PRRX2: variants seen among roughly 807,000 people sequenced by gnomAD.
PRRX2 encodes the protein paired related homeobox 2, also known as paired mesoderm homeobox protein 2.
PRRX2 carries 11 observed loss-of-function variants against 18.0 expected under a neutral mutation model. The ratio of observed to expected loss-of-function variants is 0.61; its 90% confidence interval spans 0.39 to 1.01. The LOEUF (loss-of-function observed/expected upper bound fraction) is 1.01. Among genes scored for constraint, PRRX2 ranks in the 50% least tolerant of loss-of-function variants. The pLI is 0.01. For missense variants in PRRX2, 387 were observed against 351.0 expected (o/e 1.10, Z -0.82); for synonymous variants, 177 against 154.8 (o/e 1.14, Z -1.06).
chr9:129,721,384 G>A (rs1361304430), intron 3 of PRRX2, among the ~76,000 whole-genome samples: 1 of 151,992 alleles, frequency 6.6e-6, no homozygotes, highest in Non-Finnish European at 1.5e-5. Flanking sequence ...CTCGAGAGTC[G>A]GGCCACCATA....
At position 129,697,739 on chromosome 9, in the gene PRRX2, G is replaced by A. The variant is rs1832445457; in HGVS notation, c.260-21492G>A. 2.0e-5 allele frequency among the ~76,000 whole-genome samples: 3 copies of A among 152,212 alleles called. No individual in the cohort carries two copies. In the South Asian group the frequency reaches 6.2e-4, roughly 32 times the overall value. On this transcript the variant is annotated intron_variant, in intron 1 of 3. Coordinates refer to ENST00000372469, the MANE Select transcript of PRRX2 (RefSeq NM_016307.4). The stretch of plus-strand genomic sequence containing the variant: ...CGCCTCGCCCCTCGGCCCTGTCCCG[G>A]GGGAGGGAAAGATGGCTTCTCAGAA...
At chr9:129,707,261 A>G (rs1832568726) in intron 1 of PRRX2, among the ~76,000 whole-genome samples, 1 of 152,088 alleles carries the variant, frequency 6.6e-6, no homozygotes, top group South Asian at 2.1e-4. Context: ...TTCTGTCTCA[A>G]AAAATAAATA....
intron 1 of PRRX2, among the ~76,000 whole-genome samples, chr9:129,686,488 G>A (rs963900804): frequency 2.0e-5 from 3 of 152,198 alleles, no homozygotes. Flanking sequence ...CTGGCCACAG[G>A]TGCACGCTGC....
chr9:129,688,517 C>CA (rs1832321153), intron 1 of PRRX2, among the ~76,000 whole-genome samples: 3 of 152,228 alleles, frequency 2.0e-5, no homozygotes, highest in Admixed American at 2.0e-4. Context: ...ACCCCGCAAA[C>CA]ACGCAGTAGC....
intron 1 of PRRX2, among the ~76,000 whole-genome samples, chr9:129,716,874 A>G (rs553356617): frequency 3.3e-4 from 50 of 152,306 alleles, no homozygotes; most frequent in African/African-American, 1.2e-3. Context: ...TCCTGAAGGT[A>G]GGGGAGAGGG....
intron 1 of PRRX2, among the ~76,000 whole-genome samples, chr9:129,708,038 A>AG (rs1832578248): frequency 6.6e-6 from 1 of 152,008 alleles, no homozygotes; most frequent in Non-Finnish European, 1.5e-5. Context: ...TTATCAGGCC[A>AG]CCTGCCCTGG....
At chr9:129,687,204 A>G (rs1406724648) in intron 1 of PRRX2, among the ~76,000 whole-genome samples, 2 of 152,252 alleles carry the variant, frequency 1.3e-5, no homozygotes, top group Non-Finnish European at 2.9e-5. Context: ...CTTAGGCCAC[A>G]GAATGAGATC....
intron 1 of PRRX2, among the ~76,000 whole-genome samples, chr9:129,717,461 C>CT (rs1832723774): frequency 0.013 from 1 of 80 alleles, no homozygotes; most frequent in South Asian, 0.5. Context: ...CTTTGGGAGG[C>CT]GAGGCGGGCA....
At position 129,668,958 on chromosome 9, in the gene PRRX2, C is replaced by G. The variant is rs138242912; in HGVS notation, c.259+2832C>G. Among the ~76,000 whole-genome samples the G allele has an allele frequency of 7.4e-3, 1,119 of 151,514 alleles. 50 individuals carry two copies. The highest frequency in any genetic ancestry group is 0.061 in the Admixed American group (929 of 15,212). Reference sequence around the variant, plus strand: ...GGTCAGGAGTTCAAGACCAGCCTGGCCAAGATAGTGAAACTGCATCTCTAC... The same window carrying G: ...GGTCAGGAGTTCAAGACCAGCCTGGGCAAGATAGTGAAACTGCATCTCTAC... On this transcript the variant is annotated intron_variant, in intron 1 of 3. Coordinates refer to ENST00000372469, the MANE Select transcript of PRRX2 (RefSeq NM_016307.4).
Position 129,719,216 on chromosome 9 carries a change from C to CT in PRRX2, c.260-15_260-14insT. ...GGCCGTCCTGCTGACCATCCCGCCC[C>CT]CCCAACCTCCGCAGGTGAGTGTCCC... On this transcript the variant is annotated splice_polypyrimidine_tract_variant and intron_variant, in intron 1 of 3. Transcript: ENST00000372469. 6.4e-7 allele frequency: 1 copy of CT among 1,557,676 alleles called. No individual in the cohort carries two copies. Among genetic ancestry groups the CT allele is most frequent in the South Asian group, 1.2e-5 (1 of 83,266 alleles).
In PRRX2 at chr9:129,722,386, G is replaced by C; in HGVS notation, c.*34G>C. 1 of 1,609,722 alleles carries C rather than the reference G, an allele frequency of 6.2e-7. No homozygotes were observed. The highest frequency in any genetic ancestry group is 8.5e-7 in the Non-Finnish European group (1 of 1,178,044). On this transcript the variant is annotated 3_prime_UTR_variant, in exon 4 of 4. Transcript: ENST00000372469. ...CCCACCAGGACCCAGACGCCTCCCT[G>C]GGTGGACAGCAATAGAAAAGGGGGC...
At chr9:129,702,175 A>G (rs1364473763) in intron 1 of PRRX2, among the ~76,000 whole-genome samples, 6 of 152,034 alleles carry the variant, frequency 3.9e-5, no homozygotes, top group Admixed American at 3.9e-4. Context: ...AGGCGGGTGG[A>G]TCACGAGGTC....
chr9:129,710,530 G>A (rs1180484954), intron 1 of PRRX2, among the ~76,000 whole-genome samples: 1 of 152,140 alleles, frequency 6.6e-6, no homozygotes, highest in African/African-American at 2.4e-5. Context: ...TCAAGAGATC[G>A]AGACCATCCT....
intron 1 of PRRX2, among the ~76,000 whole-genome samples, chr9:129,718,917 CA>C (rs1194446388): frequency 6.6e-6 from 1 of 152,224 alleles, no homozygotes; most frequent in East Asian, 1.9e-4. Flanking sequence ...CACCTGTCCC[CA>C]GGGCTCTTGC....
At chr9:129,697,309 C>T (rs1832438525) in intron 1 of PRRX2, among the ~76,000 whole-genome samples, 1 of 151,966 alleles carries the variant, frequency 6.6e-6, no homozygotes, top group Non-Finnish European at 1.5e-5. Flanking sequence ...TGCAGGGGAG[C>T]GCTGCGTCCC....
rs963159401 is a variant in PRRX2 at position 129,665,769 on chromosome 9, C to T, written c.-99C>T. 10 of 881,266 alleles carry T rather than the reference C, an allele frequency of 1.1e-5. No individual in the cohort carries two copies. The highest frequency in any genetic ancestry group is 1.4e-5 in the Non-Finnish European group (10 of 731,590). The allele number at this position is 881,266 out of a possible 1,614,324, so 54.6% of individuals were successfully genotyped here. A position where few individuals can be genotyped will look rare whatever the true frequency, so the allele number is the denominator to read the frequency against. On this transcript the variant is annotated 5_prime_UTR_variant, in exon 1 of 4. Coordinates refer to ENST00000372469, the MANE Select transcript of PRRX2 (RefSeq NM_016307.4). The surrounding 1 kb of genome is among the most constrained non-coding windows in gnomAD (Gnocchi z 5.3). ...AGGAGGCGGCGGGAGCTGGGCAGAG[C>T]GCGGGGCGGCCGGGGCTCTCGCTCC...
At chr9:129,670,668 C>T (rs1181324260) in intron 1 of PRRX2, among the ~76,000 whole-genome samples, 1 of 152,190 alleles carries the variant, frequency 6.6e-6, no homozygotes. Context: ...AGCCACCGTG[C>T]CCGGCCCTAC....
Position 129,719,243 on chromosome 9 carries a change from G to T in PRRX2, c.272G>T (p.Ser91Ile), listed in dbSNP as rs767772157. The change falls in exon 2 of 4, where the codon AGC (serine) becomes ATC (isoleucine). Residue 91 changes from serine (S) to isoleucine (I), a missense_variant. Physicochemically the swap from Ser to Ile is moderately radical, Grantham distance 142. Coordinates refer to ENST00000372469, the MANE Select transcript of PRRX2 (RefSeq NM_016307.4). ...EAAPQDGECP[S>I]PGRGSAAKRK... ...CCAACCTCCGCAGGTGAGTGTCCCA[G>T]CCCGGGGCGCGGTAGCGCCGCCAAG... 14 of 1,595,746 alleles carry T rather than the reference G, an allele frequency of 8.8e-6. No homozygotes were observed. The highest frequency in any genetic ancestry group is 1.2e-5 in the Non-Finnish European group (14 of 1,171,170).
chr9:129,668,121 C>T (rs544236017), intron 1 of PRRX2, among the ~76,000 whole-genome samples: 11 of 152,260 alleles, frequency 7.2e-5, no homozygotes, highest in African/African-American at 1.4e-4. Flanking sequence ...GGGTGTGGCC[C>T]GGATCTGGGT....
Sources: allele counts gnomAD v4.1 joint callset (sites outside exome capture counted in the v4.1 genomes callset), GRCh38; gene constraint gnomAD v4.1.1; non-coding constraint Gnocchi (gnomAD v3.1); transcripts MANE v1.5; gene names NCBI Gene and HGNC (gene_info 2026-07-23, HGNC 2026-07-21).